CBLB: variants seen among roughly 807,000 people sequenced by gnomAD.
The protein encoded by CBLB is Cbl proto-oncogene B.
In CBLB, 31 loss-of-function variants were observed where a neutral mutation model predicts 104.9. That is an observed-to-expected ratio of 0.30 (90% confidence interval 0.22 to 0.40). The LOEUF is 0.40. Ranked by LOEUF, CBLB falls within the 10% of genes least tolerant of loss-of-function variation. The probability of loss-of-function intolerance (pLI) is 1.00; values close to 1 mark genes in which losing one functional copy is unlikely to be tolerated. For missense variants in CBLB, 1,062 were observed against 1,214.6 expected (o/e 0.87, Z 1.87); for synonymous variants, 440 against 422.6 (o/e 1.04, Z -0.51).
chr3:105,746,051 AAAATT>A lies in CBLB; in HGVS notation c.724-18_724-14del. 1 of 1,573,796 alleles carries A rather than the reference AAAATT, an allele frequency of 6.4e-7. No individual in the cohort carries two copies. Among genetic ancestry groups the A allele is most frequent in the Admixed American group, 1.7e-5 (1 of 59,880 alleles). ...TAGAGCCCCAAGGCTAAAAAATAAA[AAAATT>A]AAAAGAGATTAGTATCTAGAGAATA... On this transcript the variant is annotated splice_polypyrimidine_tract_variant and intron_variant, in intron 5 of 18. Transcript: ENST00000394030.
intron 3 of CBLB, among the ~76,000 whole-genome samples, chr3:105,817,036 A>C (rs2085157476): frequency 6.6e-6 from 1 of 152,184 alleles, no homozygotes; most frequent in Admixed American, 6.5e-5. Context: ...ATTCCAGATG[A>C]GTGGGAGAAT....
chr3:105,657,835 C>T lies in CBLB; in HGVS notation c.*1135G>A, dbSNP rs1411500678. ...AGAGAGAAAATTACTGAGAACTTTGCAAAAAACATTGCCACAGTAGCCTTG... is the reference window on the plus strand; with the variant it reads ...AGAGAGAAAATTACTGAGAACTTTGTAAAAAACATTGCCACAGTAGCCTTG... On this transcript the variant is annotated 3_prime_UTR_variant, in exon 19 of 19. Transcript: ENST00000394030. The T allele has an allele frequency of 4.8e-6, 1 of 207,030 alleles. No individual in the cohort carries two copies. Among genetic ancestry groups the T allele is most frequent in the Non-Finnish European group, 9.8e-6 (1 of 101,622 alleles). 12.8% of individuals were successfully genotyped at this position (207,030 alleles called of 1,614,324 possible). A position where few individuals can be genotyped will look rare whatever the true frequency, so the allele number is the denominator to read the frequency against.
At chr3:105,675,882 CTCA>C (rs2065574679) in intron 17 of CBLB, among the ~76,000 whole-genome samples, 1 of 34,752 alleles carries the variant, frequency 2.9e-5, no homozygotes. Flanking sequence ...GAGACCCTGT[CTCA>C]AAAAAAAAAA....
intron 3 of CBLB, among the ~76,000 whole-genome samples, chr3:105,850,996 G>A (rs2090870879): frequency 6.6e-6 from 1 of 152,118 alleles, no homozygotes; most frequent in South Asian, 2.1e-4. Context: ...CTAAACTTAT[G>A]CATACCCTGA....
At chr3:105,698,412 C>A (rs1401186814) in intron 12 of CBLB, among the ~76,000 whole-genome samples, 1 of 151,878 alleles carries the variant, frequency 6.6e-6, no homozygotes, top group Non-Finnish European at 1.5e-5. Context: ...TGAAGGGAAG[C>A]GAGTCCTCGC....
chr3:105,687,008 A>T (rs997238272), intron 13 of CBLB, among the ~76,000 whole-genome samples: 1 of 152,136 alleles, frequency 6.6e-6, no homozygotes. Context: ...TGGCACTGGA[A>T]CTGGGAGAGA....
intron 3 of CBLB, among the ~76,000 whole-genome samples, chr3:105,812,716 T>C (rs1024006649): frequency 2.0e-5 from 3 of 152,204 alleles, no homozygotes; most frequent in East Asian, 1.9e-4. Flanking sequence ...GAAGATCTTA[T>C]AGGTGATATT....
intron 3 of CBLB, among the ~76,000 whole-genome samples, chr3:105,814,089 A>C (rs2084680218): frequency 6.6e-6 from 1 of 152,204 alleles, no homozygotes; most frequent in Non-Finnish European, 1.5e-5. Context: ...ATTTAAAAAA[A>C]GATCATCAGG....
At chr3:105,774,070 G>C (rs540105181) in intron 4 of CBLB, among the ~76,000 whole-genome samples, 2 of 152,376 alleles carry the variant, frequency 1.3e-5, no homozygotes, top group Admixed American at 1.3e-4. Flanking sequence ...GGACCTTCAA[G>C]AGGTGGTTAG....
chr3:105,692,474 T>TAA (rs1360388409), intron 13 of CBLB, among the ~76,000 whole-genome samples: 4 of 151,996 alleles, frequency 2.6e-5, no homozygotes, highest in Non-Finnish European at 5.9e-5. Context: ...CACAAAGAAA[T>TAA]AGAGTCTGAG....
At chr3:105,704,202 T>C (rs1327077492) in intron 10 of CBLB, 29 bp from the exon 11 acceptor site, 16 of 1,600,656 alleles carry the variant, frequency 1.0e-5, no homozygotes, top group African/African-American at 1.3e-5. Context: ...AAGATGCCGC[T>C]GTTTATTAGC....
chr3:105,664,489 G>A (rs1559730089), intron 18 of CBLB, among the ~76,000 whole-genome samples: 1 of 152,136 alleles, frequency 6.6e-6, no homozygotes, highest in African/African-American at 2.4e-5. Flanking sequence ...CATTTAGAAG[G>A]CTGCACTTGA....
At chr3:105,747,025 C>A (rs1203033131) in intron 5 of CBLB, among the ~76,000 whole-genome samples, 1 of 152,170 alleles carries the variant, frequency 6.6e-6, no homozygotes, top group African/African-American at 2.4e-5. Context: ...TACATAAAAA[C>A]AAAACTTTTC....
At chr3:105,738,780 G>T (rs1481282795) in intron 7 of CBLB, among the ~76,000 whole-genome samples, 1 of 151,880 alleles carries the variant, frequency 6.6e-6, no homozygotes, top group African/African-American at 2.4e-5. Context: ...TTAGAAGAAA[G>T]GTATAAATAA....
At chr3:105,804,574 C>G (rs911556337) in intron 3 of CBLB, among the ~76,000 whole-genome samples, 1 of 151,560 alleles carries the variant, frequency 6.6e-6, no homozygotes, top group Non-Finnish European at 1.5e-5. Flanking sequence ...ATGAATACAT[C>G]CTGACATAAT....
chr3:105,852,862 C>T (rs892680376), intron 3 of CBLB, among the ~76,000 whole-genome samples: 4 of 152,060 alleles, frequency 2.6e-5, no homozygotes, highest in African/African-American at 4.8e-5. Flanking sequence ...GGATTACAGG[C>T]GTGTGCCACC....
intron 10 of CBLB, among the ~76,000 whole-genome samples, chr3:105,714,082 C>T (rs1165675682): frequency 1.3e-5 from 2 of 152,064 alleles, no homozygotes; most frequent in South Asian, 4.1e-4. Flanking sequence ...TTTGATCTTA[C>T]GGCTCCAACA....
At chr3:105,726,418 T>C (rs1046501272) in intron 9 of CBLB, among the ~76,000 whole-genome samples, 2 of 152,214 alleles carry the variant, frequency 1.3e-5, no homozygotes, top group Non-Finnish European at 2.9e-5. Flanking sequence ...TGAATTAAAG[T>C]CCTTGGCAGT....
intron 8 of CBLB, among the ~76,000 whole-genome samples, chr3:105,734,897 C>CA (rs1363704829): frequency 1.3e-5 from 2 of 152,042 alleles, no homozygotes; most frequent in Non-Finnish European, 2.9e-5. Flanking sequence ...AAACATTTGA[C>CA]ACAGTAAAAT....
Sources: gnomAD v4.1 joint callset for allele counts (sites outside exome capture counted in the v4.1 genomes callset) on GRCh38, gnomAD v4.1.1 for gene constraint, MANE v1.5 for transcripts, NCBI Gene and HGNC (gene_info 2026-07-23, HGNC 2026-07-21) for gene names.